PAPPA2: variants seen among roughly 807,000 people sequenced by gnomAD.
PAPPA2 encodes the protein pappalysin-2.
PAPPA2 carries 86 observed loss-of-function variants against 176.4 expected under a neutral mutation model. That is an observed-to-expected ratio of 0.49 (90% CI 0.41 to 0.58). The LOEUF (loss-of-function observed/expected upper bound fraction) is 0.58. Ranked by LOEUF, PAPPA2 falls within the 20% of genes least tolerant of loss-of-function variation. The pLI is 0.00. For synonymous variants in PAPPA2, 809 were observed against 852.2 expected, an observed-to-expected ratio of 0.95 and a Z score of 0.88; for missense variants, 2,073 against 2,256.9, an observed-to-expected ratio of 0.92 and a Z score of 1.65.
chr1:176,767,893 A>G (rs1472022638), intron 15 of PAPPA2, among the ~76,000 whole-genome samples: 1 of 152,178 alleles, frequency 6.6e-6, no homozygotes, highest in Non-Finnish European at 1.5e-5. Flanking sequence ...CTTTTTGTTG[A>G]CGCAAGAACC....
At chr1:176,800,638 C>T (rs964180983) in intron 21 of PAPPA2, among the ~76,000 whole-genome samples, 7 of 152,190 alleles carry the variant, frequency 4.6e-5, no homozygotes, top group Non-Finnish European at 8.8e-5. Flanking sequence ...AAAGATTTTT[C>T]TCTTGAAAAA....
chr1:176,695,621 G>T (rs1231681665), intron 6 of PAPPA2, 117 bp from the exon 7 acceptor site: 3 of 1,177,266 alleles, frequency 2.5e-6, no homozygotes, highest in Non-Finnish European at 3.6e-6. Context: ...TTACTCTCTA[G>T]GTCCTTACTA....
At chr1:176,501,373 T>C (rs1647952893) in intron 1 of PAPPA2, among the ~76,000 whole-genome samples, 1 of 152,276 alleles carries the variant, frequency 6.6e-6, no homozygotes, top group Admixed American at 6.6e-5. Flanking sequence ...ATAAAATCTG[T>C]TATTACTACA....
chr1:176,689,643 T>A (rs1165532399), intron 4 of PAPPA2, among the ~76,000 whole-genome samples: 1 of 152,194 alleles, frequency 6.6e-6, no homozygotes, highest in African/African-American at 2.4e-5. Context: ...GTTCAAGTCC[T>A]CAAAGCTGGG....
At position 176,690,325 on chromosome 1, in the gene PAPPA2, C is replaced by G. The variant is rs769016668; in HGVS notation, c.2326C>G (p.Pro776Ala). ...ETGDLCADTA[P>A]TPKSELCREP... is the part of the protein sequence containing the mutation. Reference sequence around the variant, plus strand: ...GGGAGACCTCTGTGCCGACACCGCCCCCACTCCCAAGAGTGAGCTGTGCCG... The same window carrying G: ...GGGAGACCTCTGTGCCGACACCGCCGCCACTCCCAAGAGTGAGCTGTGCCG... The change falls in exon 5 of 23, where the codon CCC becomes GCC. Residue 776 changes from proline (P) to alanine (A), a missense_variant. This residue lies in a region of PAPPA2 where 1,196 missense variants were observed against 1,330.4 expected (regional missense o/e 0.90). Transcript: ENST00000367662. The G allele has an allele frequency of 1.2e-6, 2 of 1,614,142 alleles. No individual in the cohort carries two copies. Among genetic ancestry groups the G allele is most frequent in the East Asian group, 2.2e-5 (1 of 44,878 alleles).
intron 3 of PAPPA2, among the ~76,000 whole-genome samples, chr1:176,625,405 G>A (rs1439347950): frequency 1.3e-5 from 2 of 152,174 alleles, no homozygotes; most frequent in African/African-American, 2.4e-5. Flanking sequence ...TCATTCGTCT[G>A]TGTCTCCCTG....
intron 3 of PAPPA2, among the ~76,000 whole-genome samples, chr1:176,637,372 G>C (rs1176535297): frequency 6.6e-6 from 1 of 152,148 alleles, no homozygotes; most frequent in Non-Finnish European, 1.5e-5. Context: ...GGATGGGTTG[G>C]AGGAAGGATA....
At chr1:176,483,809 G>C (rs552844456) in intron 1 of PAPPA2, among the ~76,000 whole-genome samples, 3 of 152,178 alleles carry the variant, frequency 2.0e-5, no homozygotes, top group South Asian at 4.2e-4. Context: ...TCAAGAAAGG[G>C]AAGATTGCCA....
At chr1:176,561,585 G>A (rs1310262063) in intron 2 of PAPPA2, among the ~76,000 whole-genome samples, 1 of 152,116 alleles carries the variant, frequency 6.6e-6, no homozygotes, top group Non-Finnish European at 1.5e-5. Flanking sequence ...GCCCCAAAGG[G>A]CTCATTTATT....
At chr1:176,706,503 A>G in intron 10 of PAPPA2, 53 bp downstream of exon 10, 2 of 1,493,556 alleles carry the variant, frequency 1.3e-6, no homozygotes, top group Non-Finnish European at 1.9e-6. Flanking sequence ...GAGGTGTATT[A>G]TTTTGTGAGT....
At chr1:176,471,565 C>T (rs1326068349) in intron 1 of PAPPA2, among the ~76,000 whole-genome samples, 5 of 152,172 alleles carry the variant, frequency 3.3e-5, no homozygotes, top group African/African-American at 1.2e-4. Flanking sequence ...CAGAAGCCCT[C>T]CATGTATTTT....
intron 12 of PAPPA2, among the ~76,000 whole-genome samples, chr1:176,717,375 C>T (rs1661424938): frequency 6.6e-6 from 1 of 152,116 alleles, no homozygotes; most frequent in Admixed American, 6.5e-5. Flanking sequence ...TGGCAATGAC[C>T]CAAAAGTTAC....
intron 3 of PAPPA2, among the ~76,000 whole-genome samples, chr1:176,602,917 G>A (rs1654408207): frequency 1.3e-5 from 2 of 152,324 alleles, no homozygotes; most frequent in Admixed American, 1.3e-4. Flanking sequence ...TTTCTCCACA[G>A]TTCCAATAGG....
intron 1 of PAPPA2, among the ~76,000 whole-genome samples, chr1:176,466,987 A>G (rs904079389): frequency 1.3e-5 from 2 of 152,202 alleles, no homozygotes; most frequent in African/African-American, 4.8e-5. Flanking sequence ...ACAGTCATGT[A>G]TCGCTTAATG....
intron 4 of PAPPA2, among the ~76,000 whole-genome samples, chr1:176,682,564 A>G (rs1659636003): frequency 1.3e-5 from 2 of 152,326 alleles, no homozygotes; most frequent in South Asian, 4.1e-4. Flanking sequence ...GCAGGCATAC[A>G]ATGTGTGGTG....
chr1:176,824,421 C>T (rs1449247825), intron 21 of PAPPA2, among the ~76,000 whole-genome samples: 4 of 152,176 alleles, frequency 2.6e-5, no homozygotes, highest in Admixed American at 6.5e-5. Flanking sequence ...CTAAGTGATG[C>T]TCATTTTATT....
At chr1:176,795,264 C>G (rs921614754) in intron 20 of PAPPA2, among the ~76,000 whole-genome samples, 37 of 152,040 alleles carry the variant, frequency 2.4e-4, no homozygotes, top group Non-Finnish European at 5.0e-4. Flanking sequence ...TGTACTACTG[C>G]TGAGGGTGGA....
intron 17 of PAPPA2, among the ~76,000 whole-genome samples, chr1:176,771,774 A>G (rs1664237202): frequency 6.6e-6 from 1 of 152,200 alleles, no homozygotes; most frequent in African/African-American, 2.4e-5. Context: ...TCCTAGACCC[A>G]TGGCAAGAAA....
intron 4 of PAPPA2, among the ~76,000 whole-genome samples, 156 bp downstream of exon 4, chr1:176,671,271 T>A (rs941880496): frequency 1.3e-5 from 2 of 152,244 alleles, no homozygotes; most frequent in Non-Finnish European, 2.9e-5. Context: ...TAGTAGAGCC[T>A]GTCAAAATGT....
Sources: allele counts gnomAD v4.1 joint callset (sites outside exome capture counted in the v4.1 genomes callset), GRCh38; gene constraint gnomAD v4.1.1; regional missense constraint gnomAD v4.1.1; transcripts MANE v1.5; gene names NCBI Gene and HGNC (gene_info 2026-07-23, HGNC 2026-07-21).